The following USP13 variants were observed in gnomAD, a reference collection of about 807,000 sequenced individuals.
USP13 encodes ubiquitin specific peptidase 13.
Under a neutral mutation model 107.8 loss-of-function variants are expected in USP13, and 68 were observed. That is an observed-to-expected ratio of 0.63 (90% confidence interval 0.52 to 0.77). The LOEUF (loss-of-function observed/expected upper bound fraction) is 0.77. Among genes scored for constraint, USP13 ranks in the 30% least tolerant of loss-of-function variants. USP13 has a pLI of 0.00. For synonymous variants in USP13, 377 were observed against 389.5 expected, an observed-to-expected ratio of 0.97 and a Z score of 0.38; for missense variants, 945 against 1,093.3, an observed-to-expected ratio of 0.86 and a Z score of 1.91.
chr3:179,780,197 T>A (rs1715696233), intron 19 of USP13, among the ~76,000 whole-genome samples: 1 of 152,254 alleles, frequency 6.6e-6, no homozygotes, highest in Non-Finnish European at 1.5e-5. Flanking sequence ...CTTTTGACAC[T>A]TCTGTTTAAC....
chr3:179,699,947 A>G (rs1207215561), intron 3 of USP13, among the ~76,000 whole-genome samples: 1 of 151,970 alleles, frequency 6.6e-6, no homozygotes, highest in Non-Finnish European at 1.5e-5. Flanking sequence ...TCTTCTGTCT[A>G]TAGAGCCTAT....
At chr3:179,775,511 C>T (rs771101169) in intron 19 of USP13, among the ~76,000 whole-genome samples, 25 of 152,276 alleles carry the variant, frequency 1.6e-4, no homozygotes, top group Non-Finnish European at 2.4e-4. Context: ...TTCCGCGCCA[C>T]GCGCCTGCAC....
In USP13 at chr3:179,653,522, A is replaced by G. The variant is rs1720153259; in HGVS notation, c.168+129A>G. ...CGGGCGGCAGAGTTGGCTCAGGAACACTGCAGTTCGGCAGACACTTAGTGA... is the reference window on the plus strand; with the variant it reads ...CGGGCGGCAGAGTTGGCTCAGGAACGCTGCAGTTCGGCAGACACTTAGTGA... On this transcript the variant is annotated intron_variant, in intron 1 of 20. Transcript: ENST00000263966. The surrounding 1 kb of genome is among the most constrained non-coding windows in gnomAD (Gnocchi z 4.0). 1 of 1,297,660 alleles carries G rather than the reference A, an allele frequency of 7.7e-7. No individual in the cohort carries two copies. The highest frequency in any genetic ancestry group is 1.5e-5 in the African/African-American group (1 of 66,338). 80.4% of individuals were successfully genotyped at this position (1,297,660 alleles called of 1,614,324 possible).
chr3:179,682,019 T>G lies in USP13; in HGVS notation c.294+16T>G. On this transcript the variant is annotated intron_variant, in intron 2 of 20. Coordinates refer to ENST00000263966, the MANE Select transcript of USP13 (RefSeq NM_003940.3). The stretch of plus-strand genomic sequence containing the variant: ...TGTGCGAGAGGTGAGAGCGGCACTT[T>G]CAGAGAACTGGCCTTGATGTCTTCC... The G allele has an allele frequency of 3.1e-6, 5 of 1,608,512 alleles. No individual in the cohort carries two copies. Among genetic ancestry groups the G allele is most frequent in the Non-Finnish European group, 4.2e-6 (5 of 1,176,726 alleles).
At position 179,742,179 on chromosome 3, in the gene USP13, A is replaced by T; in HGVS notation, c.1381-18A>T. On this transcript the variant is annotated intron_variant, in intron 11 of 20. Transcript: ENST00000263966. This position sits in a 1 kb window ranked among gnomAD's most constrained non-coding sequence, Gnocchi z 5.0. The stretch of plus-strand genomic sequence containing the variant: ...CAATATTCATACATTTACTAACCTG[A>T]TACAATCCATCCTTCAGAGGAACCG... The T allele has an allele frequency of 1.2e-6, 2 of 1,614,136 alleles. No homozygotes were observed. The highest frequency in any genetic ancestry group is 1.7e-6 in the Non-Finnish European group (2 of 1,179,994).
At chr3:179,696,568 G>A (rs1017335782) in intron 3 of USP13, among the ~76,000 whole-genome samples, 9 of 151,980 alleles carry the variant, frequency 5.9e-5, no homozygotes, top group African/African-American at 1.7e-4. Context: ...TCCTGACCTC[G>A]TGATCTGCCC....
At chr3:179,725,069 A>G (rs545349446) in intron 8 of USP13, among the ~76,000 whole-genome samples, 8 of 152,058 alleles carry the variant, frequency 5.3e-5, no homozygotes, top group Non-Finnish European at 1.2e-4. Flanking sequence ...AAAATTAGCC[A>G]GGCGTGGTGG....
chr3:179,754,714 ATC>A lies in USP13; in HGVS notation c.1799-11_1799-10del. 6.2e-7 allele frequency: 1 copy of A among 1,610,268 alleles called. No homozygotes were observed. The highest frequency in any genetic ancestry group is 8.5e-7 in the Non-Finnish European group (1 of 1,178,262). On this transcript the variant is annotated splice_polypyrimidine_tract_variant and intron_variant, in intron 14 of 20. Transcript: ENST00000263966. ...GATTATGGAGAGCCCAGTGGATATA[ATC>A]TCTCTCATTTTGCAGATGTTTCTAT...
At position 179,653,475 on chromosome 3, in the gene USP13, G is replaced by T; in HGVS notation, c.168+82G>T. On this transcript the variant is annotated intron_variant, in intron 1 of 20. Coordinates refer to ENST00000263966, the MANE Select transcript of USP13 (RefSeq NM_003940.3). This position sits in a 1 kb window ranked among gnomAD's most constrained non-coding sequence, Gnocchi z 4.0. The stretch of plus-strand genomic sequence containing the variant: ...CCGGGGGAGAAGATGCGCAGTGGCG[G>T]CCGGGACCTCTTCTCTTCCTCCGGG... The T allele has an allele frequency of 2.7e-6, 4 of 1,493,180 alleles. No homozygotes were observed. Among genetic ancestry groups the T allele is most frequent in the Non-Finnish European group, 3.6e-6 (4 of 1,113,616 alleles). 92.5% of individuals were successfully genotyped at this position (1,493,180 alleles called of 1,614,324 possible).
At chr3:179,766,801 T>G (rs1340142792) in intron 19 of USP13, among the ~76,000 whole-genome samples, 1 of 152,224 alleles carries the variant, frequency 6.6e-6, no homozygotes, top group Admixed American at 6.5e-5. Context: ...CCCAGAATCC[T>G]TGTTCTTAAC....
Position 179,653,491 on chromosome 3 carries a change from T to G in USP13, c.168+98T>G. 6.9e-7 allele frequency: 1 copy of G among 1,452,444 alleles called. No homozygotes were observed. Among genetic ancestry groups the G allele is most frequent in the Admixed American group, 2.2e-5 (1 of 44,584 alleles). The allele number at this position is 1,452,444 out of a possible 1,614,324, so 90.0% of individuals were successfully genotyped here. On this transcript the variant is annotated intron_variant, in intron 1 of 20. Coordinates refer to ENST00000263966, the MANE Select transcript of USP13 (RefSeq NM_003940.3). This position sits in a 1 kb window ranked among gnomAD's most constrained non-coding sequence, Gnocchi z 4.0. ...GCAGTGGCGGCCGGGACCTCTTCTCTTCCTCCGGGCGGCAGAGTTGGCTCA... is the reference window on the plus strand; with the variant it reads ...GCAGTGGCGGCCGGGACCTCTTCTCGTCCTCCGGGCGGCAGAGTTGGCTCA...
chr3:179,721,196 G>A lies in USP13; in HGVS notation c.901-206G>A, dbSNP rs1449094104. Among the ~76,000 whole-genome samples, 2 of 152,122 alleles carry A rather than the reference G, an allele frequency of 1.3e-5. No homozygotes were observed. Among genetic ancestry groups the A allele is most frequent in the Non-Finnish European group, 2.9e-5 (2 of 68,038 alleles). On this transcript the variant is annotated intron_variant, in intron 7 of 20. Transcript: ENST00000263966. The surrounding 1 kb of genome is among the most constrained non-coding windows in gnomAD (Gnocchi z 4.3). ...GCTACCATTTTAACTGTTTTTAAGCGTGCAGTTCTCTGGCATTATGTACAT... is the reference window on the plus strand; with the variant it reads ...GCTACCATTTTAACTGTTTTTAAGCATGCAGTTCTCTGGCATTATGTACAT...
chr3:179,731,630 G>A (rs543950739), intron 10 of USP13, among the ~76,000 whole-genome samples: 75 of 152,116 alleles, frequency 4.9e-4, no homozygotes, highest in Non-Finnish European at 1.0e-3. Flanking sequence ...CATTTCCACT[G>A]GACCCTCCCT....
At chr3:179,737,745 T>A (rs1176348523) in intron 10 of USP13, among the ~76,000 whole-genome samples, 2 of 152,196 alleles carry the variant, frequency 1.3e-5, no homozygotes, top group African/African-American at 2.4e-5. Flanking sequence ...GAGCTACCAG[T>A]GGTGTTTCAG....
intron 1 of USP13, among the ~76,000 whole-genome samples, chr3:179,656,217 G>GC (rs1720256116): frequency 1.3e-5 from 2 of 152,236 alleles, no homozygotes; most frequent in Non-Finnish European, 2.9e-5. Context: ...GGAATAAAAA[G>GC]ATACATTTGG....
At chr3:179,783,130 TAAAATA>T (rs1480954372) in intron 20 of USP13, among the ~76,000 whole-genome samples, 2 of 151,942 alleles carry the variant, frequency 1.3e-5, no homozygotes, top group African/African-American at 4.8e-5. Flanking sequence ...TCAAAGAAAA[TAAAATA>T]AAAATGCTTT....
In USP13 at chr3:179,653,128, A is replaced by G. The variant is rs1720132330; in HGVS notation, c.-98A>G. Reference sequence around the variant, plus strand: ...CTCGGCCGGCTGCCGTTGCCCGCGCAGCCCGCCCGTCAGCCCGCTCGCTGG... The same window carrying G: ...CTCGGCCGGCTGCCGTTGCCCGCGCGGCCCGCCCGTCAGCCCGCTCGCTGG... On this transcript the variant is annotated 5_prime_UTR_variant, in exon 1 of 21. Coordinates refer to ENST00000263966, the MANE Select transcript of USP13 (RefSeq NM_003940.3). The surrounding 1 kb of genome is among the most constrained non-coding windows in gnomAD (Gnocchi z 4.0). The G allele has an allele frequency of 1.0e-6, 1 of 974,296 alleles. No individual in the cohort carries two copies. The highest frequency in any genetic ancestry group is 1.2e-6 in the Non-Finnish European group (1 of 819,160). 60.4% of individuals were successfully genotyped at this position (974,296 alleles called of 1,614,324 possible).
intron 4 of USP13, 57 bp downstream of exon 4, chr3:179,701,186 G>A (rs1712506129): frequency 7.1e-7 from 1 of 1,400,790 alleles, no homozygotes; most frequent in African/African-American, 1.5e-5. Context: ...TCAGGTGTGT[G>A]TGCGTGTGCG....
At chr3:179,734,702 A>G (rs1209596838) in intron 10 of USP13, among the ~76,000 whole-genome samples, 1 of 152,098 alleles carries the variant, frequency 6.6e-6, no homozygotes. Context: ...AGCTTAGGAG[A>G]TTTGGGGTTT....
Sources: gnomAD v4.1 joint callset for allele counts (sites outside exome capture counted in the v4.1 genomes callset) on GRCh38, gnomAD v4.1.1 for gene constraint, Gnocchi (gnomAD v3.1) non-coding constraint, MANE v1.5 for transcripts, NCBI Gene and HGNC (gene_info 2026-07-23, HGNC 2026-07-21) for gene names.